NLK: variants seen among roughly 807,000 people sequenced by gnomAD.
NLK encodes the protein serine/threonine-protein kinase NLK.
Under a neutral mutation model 59.0 loss-of-function variants are expected in NLK, and 11 were observed. The ratio of observed to expected loss-of-function variants is 0.19; its 90% CI spans 0.12 to 0.31. The LOEUF (loss-of-function observed/expected upper bound fraction) is 0.31. Ranked by LOEUF, NLK falls within the 10% of genes least tolerant of loss-of-function variation. The pLI, the probability that NLK is intolerant of heterozygous loss-of-function variation, is 1.00. For synonymous variants in NLK, 235 were observed against 235.9 expected (o/e 1.00, Z 0.03); for missense variants, 410 against 661.1 (o/e 0.62, Z 4.16).
chr17:28,042,694 C>T lies in NLK; in HGVS notation c.-180C>T, dbSNP rs2142725278. The T allele has an allele frequency of 2.0e-6, 1 of 502,606 alleles. No individual in the cohort carries two copies. The highest frequency in any genetic ancestry group is 3.3e-5 in the East Asian group (1 of 29,948). 31.1% of individuals were successfully genotyped at this position (502,606 alleles called of 1,614,324 possible). On this transcript the variant is annotated 5_prime_UTR_variant, in exon 1 of 11. Transcript: ENST00000407008. ...TTTTTTTCCTTTTGGCAACCCACAC[C>T]CTTCCACACACGCTCACCCCAAAAT...
intron 3 of NLK, among the ~76,000 whole-genome samples, chr17:28,157,775 G>T (rs1482633474): frequency 6.6e-6 from 1 of 152,146 alleles, no homozygotes; most frequent in Non-Finnish European, 1.5e-5. Flanking sequence ...TTCTGTTAAC[G>T]TCAATTTCTT....
chr17:28,172,265 TTTTAA>T (rs1381940463), intron 6 of NLK, among the ~76,000 whole-genome samples: 6 of 109,242 alleles, frequency 5.5e-5, no homozygotes, highest in African/African-American at 2.0e-4. Flanking sequence ...AATTTATTTA[TTTTAA>T]ATTCCTTTAC....
intron 7 of NLK, among the ~76,000 whole-genome samples, chr17:28,173,571 C>G (rs1202800426): frequency 1.3e-5 from 2 of 152,144 alleles, no homozygotes; most frequent in African/African-American, 2.4e-5. Flanking sequence ...CTTCTAAAAC[C>G]AGCCCAGGCT....
intron 6 of NLK, among the ~76,000 whole-genome samples, chr17:28,171,898 A>G (rs764009893): frequency 3.3e-5 from 5 of 152,154 alleles, no homozygotes; most frequent in African/African-American, 1.2e-4. Flanking sequence ...CATATTTTCT[A>G]TATTTCTATC....
chr17:28,168,388 T>C, intron 5 of NLK, 60 bp from the exon 6 acceptor site: 12 of 1,317,624 alleles, frequency 9.1e-6, no homozygotes, highest in Non-Finnish European at 1.2e-5. Context: ...ATTTTGATGT[T>C]TTGTTTTACT....
chr17:28,196,997 A>C (rs1177526695), downstream of NLK, among the ~76,000 whole-genome samples: 2 of 152,222 alleles, frequency 1.3e-5, no homozygotes, highest in Non-Finnish European at 2.9e-5. Flanking sequence ...GCAGTTGACT[A>C]TTCTAACTCA....
At position 28,132,662 on chromosome 17, in the gene NLK, T is replaced by C. The variant is rs958867306; in HGVS notation, c.631T>C (p.Tyr211His). ...CATACTCCAACCTCCACACATTGACTATTTTGAAGAAATGTATCCTAACCA... is the reference window on the plus strand; with the variant it reads ...CATACTCCAACCTCCACACATTGACCATTTTGAAGAAATGTATCCTAACCA... ...LDILQPPHID[Y>H]FEEIYVVTEL... The change falls in exon 3 of 11, where the codon TAT (tyrosine) becomes CAT (histidine). Residue 211 changes from tyrosine (Y) to histidine (H), a missense_variant. Tyr to His is a moderately conservative substitution (Grantham distance 83). This residue lies in a region of NLK where 73 missense variants were observed against 197.2 expected (regional missense o/e 0.37). Transcript: ENST00000407008. 1.2e-6 allele frequency: 2 copies of C among 1,610,510 alleles called. No individual in the cohort carries two copies. The highest frequency in any genetic ancestry group is 1.7e-6 in the Non-Finnish European group (2 of 1,178,036).
At chr17:28,086,824 C>T (rs1448936756) in intron 1 of NLK, among the ~76,000 whole-genome samples, 2 of 151,122 alleles carry the variant, frequency 1.3e-5, no homozygotes, top group East Asian at 1.9e-4. Flanking sequence ...ACTAGAATTT[C>T]GAGACCAGCC....
At chr17:28,086,155 A>G (rs1283820904) in intron 1 of NLK, among the ~76,000 whole-genome samples, 2 of 152,224 alleles carry the variant, frequency 1.3e-5, no homozygotes, top group African/African-American at 2.4e-5. Flanking sequence ...AGACATTTAC[A>G]TAATTCAGAA....
chr17:28,068,940 A>G (rs767517268), intron 1 of NLK, among the ~76,000 whole-genome samples: 3 of 152,176 alleles, frequency 2.0e-5, no homozygotes, highest in Admixed American at 6.5e-5. Context: ...CAGCCTCCCA[A>G]TGTGCTGGAA....
At chr17:28,202,689 T>A in the NLK span, among the ~76,000 whole-genome samples, 1 of 139,440 alleles carries the variant, frequency 7.2e-6, no homozygotes, top group Non-Finnish European at 1.5e-5. Flanking sequence ...TTTTTTTTCT[T>A]TTTTTTTTTT....
chr17:28,112,856 G>C (rs1905585156), intron 1 of NLK, among the ~76,000 whole-genome samples: 1 of 152,070 alleles, frequency 6.6e-6, no homozygotes, highest in Non-Finnish European at 1.5e-5. Context: ...ATGTATTCTT[G>C]TGTAATGATG....
At chr17:28,149,627 C>T (rs565336752) in intron 3 of NLK, among the ~76,000 whole-genome samples, 1 of 152,234 alleles carries the variant, frequency 6.6e-6, no homozygotes, top group South Asian at 2.1e-4. Context: ...CCTGGTGGCT[C>T]TATGATGGCA....
chr17:28,192,485 A>G (rs1333137763), intron 10 of NLK, among the ~76,000 whole-genome samples: 2 of 152,140 alleles, frequency 1.3e-5, no homozygotes, highest in African/African-American at 2.4e-5. Context: ...CCTGACTAAC[A>G]TGGAGAAACC....
chr17:28,077,154 T>C (rs937815737), intron 1 of NLK, among the ~76,000 whole-genome samples: 1 of 150,670 alleles, frequency 6.6e-6, no homozygotes, highest in Non-Finnish European at 1.5e-5. Context: ...CTGCCTTCTT[T>C]CCTTCCCTTG....
In NLK at chr17:28,042,969, C is replaced by T. The variant is rs1250554322; in HGVS notation, c.96C>T (p.His32=). Residue 32 remains histidine, a synonymous_variant, in exon 1 of 11, where the codon CAC becomes CAT. Coordinates refer to ENST00000407008, the MANE Select transcript of NLK (RefSeq NM_016231.5). Reference sequence around the variant, plus strand: ...CAGCAGGTCACCACCACCACCATCACCACCACCTTCCACACCTCCCTCCTC... The same window carrying T: ...CAGCAGGTCACCACCACCACCATCATCACCACCTTCCACACCTCCCTCCTC... ...AAAAGHHHHH[H]HHLPHLPPPH... 6.4e-7 allele frequency: 1 copy of T among 1,556,048 alleles called. No homozygotes were observed. Among genetic ancestry groups the T allele is most frequent in the Non-Finnish European group, 8.7e-7 (1 of 1,149,354 alleles).
At chr17:28,118,345 A>G (rs1905871518) in intron 1 of NLK, among the ~76,000 whole-genome samples, 1 of 152,224 alleles carries the variant, frequency 6.6e-6, no homozygotes, top group Non-Finnish European at 1.5e-5. Flanking sequence ...TCTTAAACCA[A>G]GTTGAAGCAC....
At chr17:28,202,814 C>A in the NLK span, among the ~76,000 whole-genome samples, 1 of 151,656 alleles carries the variant, frequency 6.6e-6, no homozygotes, top group African/African-American at 2.4e-5. Context: ...TCCCGAGTAG[C>A]TGGGATTACA....
Position 28,161,203 on chromosome 17 carries a change from A to G in NLK, c.688A>G (p.Ile230Val). 1 of 1,611,968 alleles carries G rather than the reference A, an allele frequency of 6.2e-7. No homozygotes were observed. The highest frequency in any genetic ancestry group is 8.5e-7 in the Non-Finnish European group (1 of 1,178,062). Residue 230 changes from isoleucine (I) to valine (V), a missense_variant, in exon 4 of 11, where the codon ATC (isoleucine) becomes GTC (valine). Transcript: ENST00000407008. ...ELMQSDLHKI[I>V]VSPQPLSSDH... is the part of the protein sequence containing the mutation. ...GATGCAGAGTGACCTACATAAAATT[A>G]TCGTCTCTCCTCAACCACTCAGCTC... is the stretch of plus-strand genomic sequence containing the variant.
Sources: allele counts gnomAD v4.1 joint callset (sites outside exome capture counted in the v4.1 genomes callset), GRCh38; gene constraint gnomAD v4.1.1; regional missense constraint gnomAD v4.1.1; transcripts MANE v1.5; gene names NCBI Gene and HGNC (gene_info 2026-07-23, HGNC 2026-07-21).